Variants in GRIK2 observed in about 807,000 individuals in gnomAD.
GRIK2 encodes glutamate receptor ionotropic, kainate 2.
Under a neutral mutation model 100.3 loss-of-function variants are expected in GRIK2, and 32 were observed. That is an observed-to-expected ratio of 0.32 (90% CI 0.24 to 0.43). The LOEUF is 0.43. Among genes scored for constraint, GRIK2 ranks in the 20% least tolerant of loss-of-function variants. GRIK2 has a pLI of 1.00. For missense variants in GRIK2, 843 were observed against 1,114.9 expected (o/e 0.76, Z 3.47); for synonymous variants, 417 against 389.4 (o/e 1.07, Z -0.83).
At chr6:101,877,076 C>A (rs1052857067) in intron 11 of GRIK2, among the ~76,000 whole-genome samples, 7 of 151,828 alleles carry the variant, frequency 4.6e-5, no homozygotes, top group Non-Finnish European at 7.4e-5. Context: ...ACTTAAGAAA[C>A]AAATGAGCTT....
intron 4 of GRIK2, among the ~76,000 whole-genome samples, chr6:101,634,793 G>GAA (rs141368564): frequency 2.1e-5 from 3 of 145,102 alleles, no homozygotes; most frequent in African/African-American, 7.6e-5. Flanking sequence ...ACGATCACAG[G>GAA]AAAAAAAAAA....
At chr6:101,866,354 A>ACATCTTATCTT (rs1349888711) in intron 11 of GRIK2, among the ~76,000 whole-genome samples, 4 of 152,162 alleles carry the variant, frequency 2.6e-5, no homozygotes, top group Non-Finnish European at 5.9e-5. Context: ...CTTCCATAGC[A>ACATCTTATCTT]CCTATGCAAA....
chr6:101,593,308 G>A (rs1778763575), intron 2 of GRIK2, among the ~76,000 whole-genome samples: 1 of 151,844 alleles, frequency 6.6e-6, no homozygotes, highest in Non-Finnish European at 1.5e-5. Context: ...GCTCTAAGTT[G>A]ATTTCTCCCA....
At chr6:101,906,985 C>T (rs1788275608) in intron 12 of GRIK2, among the ~76,000 whole-genome samples, 1 of 151,650 alleles carries the variant, frequency 6.6e-6, no homozygotes, top group South Asian at 2.1e-4. Flanking sequence ...GGTAAAATGA[C>T]TACAATCATA....
At chr6:101,437,475 T>C (rs1166262539) in intron 2 of GRIK2, among the ~76,000 whole-genome samples, 4 of 152,134 alleles carry the variant, frequency 2.6e-5, no homozygotes, top group Non-Finnish European at 2.9e-5. Context: ...TTAATATTCT[T>C]TGTTGCTGTA....
chr6:101,893,912 T>A (rs1787269457), intron 12 of GRIK2, among the ~76,000 whole-genome samples: 2 of 151,640 alleles, frequency 1.3e-5, no homozygotes, highest in African/African-American at 4.8e-5. Context: ...TAATAATACT[T>A]AAATCATCTT....
At chr6:102,043,733 C>T (rs1770724394) in intron 15 of GRIK2, among the ~76,000 whole-genome samples, 1 of 82,204 alleles carries the variant, frequency 1.2e-5, no homozygotes, top group African/African-American at 3.7e-5. Flanking sequence ...ATGTGCACAT[C>T]TCTTTGACAA....
chr6:101,908,502 A>C (rs1788401179), intron 12 of GRIK2, among the ~76,000 whole-genome samples: 1 of 151,334 alleles, frequency 6.6e-6, no homozygotes, highest in African/African-American at 2.4e-5. Context: ...CATTACAGAT[A>C]AATATATTTA....
intron 2 of GRIK2, among the ~76,000 whole-genome samples, chr6:101,425,599 A>T (rs1314678632): frequency 1.3e-5 from 2 of 152,098 alleles, no homozygotes; most frequent in Non-Finnish European, 2.9e-5. Context: ...TTCACTTTGT[A>T]TTAAAGTTTT....
intron 2 of GRIK2, among the ~76,000 whole-genome samples, chr6:101,503,612 G>A (rs1204872475): frequency 6.6e-6 from 1 of 152,142 alleles, no homozygotes; most frequent in African/African-American, 2.4e-5. Context: ...ATGTTTTGCT[G>A]AGATTTATGA....
chr6:102,045,674 T>TAAAC (rs1382690738), intron 15 of GRIK2, among the ~76,000 whole-genome samples: 1 of 151,898 alleles, frequency 6.6e-6, no homozygotes, highest in Non-Finnish European at 1.5e-5. Context: ...ACAATCATAA[T>TAAAC]AAACAACCCC....
At chr6:101,737,405 C>T (rs1241592054) in intron 7 of GRIK2, among the ~76,000 whole-genome samples, 1 of 152,114 alleles carries the variant, frequency 6.6e-6, no homozygotes, top group Non-Finnish European at 1.5e-5. Context: ...GGCTGGGGAG[C>T]CTCACAATCA....
At chr6:101,771,255 T>A (rs998316483) in intron 7 of GRIK2, among the ~76,000 whole-genome samples, 1 of 151,992 alleles carries the variant, frequency 6.6e-6, no homozygotes, top group Non-Finnish European at 1.5e-5. Context: ...TAAAAATTTT[T>A]ATTCAGTGCA....
intron 7 of GRIK2, among the ~76,000 whole-genome samples, chr6:101,716,748 A>G (rs1418482115): frequency 6.6e-6 from 1 of 151,818 alleles, no homozygotes; most frequent in Non-Finnish European, 1.5e-5. Flanking sequence ...TTAAAGAATA[A>G]TAATAAAACA....
At position 101,461,227 on chromosome 6, in the gene GRIK2, A is replaced by G. The variant is rs901703821; in HGVS notation, c.115+61835A>G. Among the ~76,000 whole-genome samples the G allele has an allele frequency of 3.3e-5, 5 of 152,186 alleles. No individual in the cohort carries two copies. In the East Asian group the frequency reaches 7.7e-4, roughly 23 times the overall value. ...AACTTAATGGTTTAAAACAACACAA[A>G]TTTATCTTGCTGTTCTGTAGGTCAG... is the stretch of plus-strand genomic sequence containing the variant. On this transcript the variant is annotated intron_variant, in intron 2 of 16. Transcript: ENST00000369134.
At chr6:101,646,921 T>G (rs1781550908) in intron 4 of GRIK2, among the ~76,000 whole-genome samples, 1 of 151,928 alleles carries the variant, frequency 6.6e-6, no homozygotes, top group African/African-American at 2.4e-5. Context: ...ATATAAAACA[T>G]GAGAGGTAAA....
At chr6:101,796,601 G>C (rs1780319803) in intron 7 of GRIK2, among the ~76,000 whole-genome samples, 1 of 152,130 alleles carries the variant, frequency 6.6e-6, no homozygotes, top group African/African-American at 2.4e-5. Context: ...ATCATAGAAA[G>C]TATTTCAGAA....
intron 2 of GRIK2, among the ~76,000 whole-genome samples, chr6:101,493,490 A>G (rs951038509): frequency 2.6e-5 from 4 of 152,174 alleles, no homozygotes; most frequent in Non-Finnish European, 5.9e-5. Context: ...GACTGTTAAC[A>G]TAGAATCAAA....
chr6:101,858,165 T>C (rs1205047183), intron 10 of GRIK2, among the ~76,000 whole-genome samples: 2 of 152,184 alleles, frequency 1.3e-5, no homozygotes, highest in Non-Finnish European at 2.9e-5. Flanking sequence ...ACCTATTTTA[T>C]GTTTTTATAC....
Sources: allele counts gnomAD v4.1 joint callset (sites outside exome capture counted in the v4.1 genomes callset), GRCh38; gene constraint gnomAD v4.1.1; transcripts MANE v1.5; gene names NCBI Gene and HGNC (gene_info 2026-07-23, HGNC 2026-07-21).